Variants in STOX2 observed in about 807,000 individuals in gnomAD.
STOX2 encodes the protein storkhead-box protein 2.
A neutral mutation model predicts 60.9 loss-of-function variants in STOX2; 28 were observed. That is an observed-to-expected ratio of 0.46 (90% CI 0.34 to 0.63). The LOEUF is 0.63. Among genes scored for constraint, STOX2 ranks in the 30% least tolerant of loss-of-function variants. STOX2 has a pLI of 0.01. For missense variants in STOX2, 1,024 were observed against 1,187.7 expected (o/e 0.86, Z 2.03); for synonymous variants, 472 against 463.9 (o/e 1.02, Z -0.22).
chr4:183,906,880 C>T lies in STOX2; in HGVS notation c.90C>T (p.Ser30=), dbSNP rs1741632163. 6.4e-7 allele frequency: 1 copy of T among 1,551,252 alleles called. No homozygotes were observed. The highest frequency in any genetic ancestry group is 8.7e-7 in the Non-Finnish European group (1 of 1,146,894). ...DRASDRMRSR[S]EKDYRLHKRF... is the part of the protein sequence containing the mutation. ...CCTCGGACCGCATGAGGTCCCGCAG[C>T]GAGAAGGACTACCGCCTGCACAAGC... Residue 30 remains serine (S), a synonymous_variant, in exon 1 of 4, where the codon AGC becomes AGT. Transcript: ENST00000308497.
chr4:183,819,992 A>G (rs1400752441), intron 1 of STOX2, among the ~76,000 whole-genome samples: 1 of 152,254 alleles, frequency 6.6e-6, no homozygotes, highest in Non-Finnish European at 1.5e-5. Context: ...TATCAGAGTT[A>G]AACTAAAATC....
chr4:183,955,964 TAAGGC>T (rs11279351), intron 1 of STOX2, among the ~76,000 whole-genome samples: 49,679 of 151,516 alleles, frequency 0.33, 8,712 homozygotes, highest in African/African-American at 0.44. Flanking sequence ...AGAGGGAGAG[TAAGGC>T]ATATGATTTT....
intron 1 of STOX2, among the ~76,000 whole-genome samples, chr4:183,890,413 G>A (rs1560865959): frequency 6.6e-6 from 1 of 151,406 alleles, no homozygotes; most frequent in Non-Finnish European, 1.5e-5. Flanking sequence ...AACCCGGGAG[G>A]TGGAGGCTGC....
chr4:183,951,679 C>T (rs1214882085), intron 1 of STOX2, among the ~76,000 whole-genome samples: 1 of 151,936 alleles, frequency 6.6e-6, no homozygotes, highest in Admixed American at 6.6e-5. Context: ...GTGGCTCACG[C>T]CTGTAATCCC....
intron 1 of STOX2, among the ~76,000 whole-genome samples, chr4:183,985,161 C>T (rs575610435): frequency 6.6e-6 from 1 of 152,254 alleles, no homozygotes; most frequent in East Asian, 1.9e-4. Flanking sequence ...TGACCTTGAC[C>T]TCATTGGTCC....
chr4:183,842,544 C>T (rs1739886185), intron 1 of STOX2, among the ~76,000 whole-genome samples: 1 of 152,146 alleles, frequency 6.6e-6, no homozygotes, highest in Non-Finnish European at 1.5e-5. Context: ...TCAAATTGCT[C>T]TGTAATTTTA....
intron 1 of STOX2, among the ~76,000 whole-genome samples, chr4:183,977,638 G>A (rs10000613): frequency 1.3e-5 from 2 of 151,542 alleles, no homozygotes; most frequent in East Asian, 1.9e-4. Context: ...GTGAGTAGTG[G>A]TGCAATAAAC....
At chr4:183,935,373 A>T (rs7677875) in intron 1 of STOX2, among the ~76,000 whole-genome samples, 35,866 of 152,236 alleles carry the variant, frequency 0.24, 7,729 homozygotes, top group African/African-American at 0.57. Flanking sequence ...CAACTGGAAG[A>T]TCGTATTTAG....
intron 1 of STOX2, among the ~76,000 whole-genome samples, chr4:183,859,318 C>G (rs1162908970): frequency 1.3e-5 from 2 of 152,174 alleles, no homozygotes; most frequent in Admixed American, 6.5e-5. Context: ...AGGGCAGATA[C>G]AGCCATGAAA....
rs1734082700 is a variant in STOX2 at position 184,010,234 on chromosome 4, A to G, written c.1396A>G (p.Lys466Glu). 1 of 1,558,644 alleles carries G rather than the reference A, an allele frequency of 6.4e-7. No homozygotes were observed. Among genetic ancestry groups the G allele is most frequent in the African/African-American group, 1.4e-5 (1 of 73,288 alleles). ...ACCTTCTAGGGGAAGCTCCCACTCAAAAGTGCACCGAAGCCACAGCCATAC... is the reference window on the plus strand; with the variant it reads ...ACCTTCTAGGGGAAGCTCCCACTCAGAAGTGCACCGAAGCCACAGCCATAC... ...PEPSRGSSHS[K>E]VHRSHSHTQD... is the part of the protein sequence containing the mutation. The change falls in exon 3 of 4, where the codon AAA (lysine) becomes GAA (glutamate). Residue 466 changes from lysine to glutamate, a missense_variant. Lys to Glu is a moderately conservative substitution (Grantham distance 56). This residue lies in a region of STOX2 where 922 missense variants were observed against 1,058.3 expected (regional missense o/e 0.87). Transcript: ENST00000308497. The surrounding 1 kb of genome is among the most constrained non-coding windows in gnomAD (Gnocchi z 4.5).
At chr4:184,008,084 C>T (rs1380257919) in intron 2 of STOX2, among the ~76,000 whole-genome samples, 1 of 152,158 alleles carries the variant, frequency 6.6e-6, no homozygotes, top group Non-Finnish European at 1.5e-5. Context: ...TTTGGTTGAA[C>T]CACATGCAAC....
chr4:183,847,211 C>A (rs1740009184), intron 1 of STOX2, among the ~76,000 whole-genome samples: 1 of 152,194 alleles, frequency 6.6e-6, no homozygotes, highest in African/African-American at 2.4e-5. Context: ...GAGCTCAGTG[C>A]CATCTCAGGT....
chr4:183,826,374 T>C (rs1423142615), intron 1 of STOX2, among the ~76,000 whole-genome samples: 1 of 152,130 alleles, frequency 6.6e-6, no homozygotes, highest in Non-Finnish European at 1.5e-5. Flanking sequence ...TGCTCATCTA[T>C]CTCAGGGGAT....
intron 1 of STOX2, among the ~76,000 whole-genome samples, chr4:183,977,528 C>G (rs1267231360): frequency 1.2e-5 from 1 of 85,310 alleles, no homozygotes; most frequent in East Asian, 3.9e-4. Context: ...TTTTTTATGG[C>G]TGAGTAGCAT....
rs574105574 is a variant in STOX2 at position 184,009,639 on chromosome 4, G to A, written c.801G>A (p.Gly267=). 11 of 1,613,862 alleles carry A rather than the reference G, an allele frequency of 6.8e-6. No homozygotes were observed. In the South Asian group the frequency reaches 9.9e-5, roughly 14 times the overall value. The change falls in exon 3 of 4, where the codon GGG becomes GGA. Residue 267 remains glycine, a synonymous_variant. Coordinates refer to ENST00000308497, the MANE Select transcript of STOX2 (RefSeq NM_020225.3). This position sits in a 1 kb window ranked among gnomAD's most constrained non-coding sequence, Gnocchi z 4.0. The stretch of plus-strand genomic sequence containing the variant: ...GTGAAAAGCAGTCAAAAAAATTCGG[G>A]CTAAAGTTATTCCGGTTAAGTTTTA... ...KDSEKQSKKF[G]LKLFRLSFKK...
chr4:183,838,818 T>G (rs961166931), intron 1 of STOX2, among the ~76,000 whole-genome samples: 1 of 152,218 alleles, frequency 6.6e-6, no homozygotes, highest in African/African-American at 2.4e-5. Flanking sequence ...AAGCCTTTGT[T>G]CTGCCTCCAC....
At chr4:183,987,535 C>G (rs979558418) in intron 1 of STOX2, 3 of 152,046 alleles carry the variant, frequency 2.0e-5, no homozygotes, top group Non-Finnish European at 2.9e-5. Flanking sequence ...CCAGCCACCC[C>G]CCAAATCCCA....
chr4:183,813,512 C>T (rs1201349553), intron 1 of STOX2, among the ~76,000 whole-genome samples: 2 of 152,148 alleles, frequency 1.3e-5, no homozygotes, highest in Non-Finnish European at 2.9e-5. Flanking sequence ...AATACTCTGC[C>T]ATTTGATGTC....
chr4:183,977,198 C>G (rs1241197961), intron 1 of STOX2, among the ~76,000 whole-genome samples: 2 of 151,954 alleles, frequency 1.3e-5, no homozygotes. Flanking sequence ...GTATTTGATC[C>G]CTCACTTCCC....
Sources: gnomAD v4.1 joint callset for allele counts (sites outside exome capture counted in the v4.1 genomes callset) on GRCh38, gnomAD v4.1.1 for gene constraint, gnomAD v4.1.1 regional missense constraint, Gnocchi (gnomAD v3.1) non-coding constraint, MANE v1.5 for transcripts, NCBI Gene and HGNC (gene_info 2026-07-23, HGNC 2026-07-21) for gene names.